UNC13C: variants seen among roughly 807,000 people sequenced by gnomAD.
UNC13C encodes unc-13 homolog C, also known as protein unc-13 homolog C.
Under a neutral mutation model 245.4 loss-of-function variants are expected in UNC13C, and 174 were observed. The ratio of observed to expected loss-of-function variants is 0.71; its 90% CI spans 0.63 to 0.80. The LOEUF is 0.80. Among genes scored for constraint, UNC13C ranks in the 30% least tolerant of loss-of-function variants. The probability of loss-of-function intolerance (pLI) is 0.00; values close to 1 mark genes in which losing one functional copy is unlikely to be tolerated. For missense variants in UNC13C, 2,829 were observed against 2,602.9 expected, an observed-to-expected ratio of 1.09 and a Z score of -1.89; for synonymous variants, 992 against 895.1, an observed-to-expected ratio of 1.11 and a Z score of -1.93.
intron 24 of UNC13C, among the ~76,000 whole-genome samples, chr15:54,512,135 T>C (rs936518021): frequency 9.8e-5 from 15 of 152,322 alleles, no homozygotes; most frequent in African/African-American, 3.6e-4. Context: ...TAATGACTTG[T>C]AAAATTCCAC....
chr15:53,895,321 G>C, the UNC13C span, among the ~76,000 whole-genome samples: 6 of 146,190 alleles, frequency 4.1e-5, no homozygotes, highest in African/African-American at 1.3e-4. Context: ...ACTCCAGCCT[G>C]GGTGACAGAG....
At chr15:53,994,482 G>A (rs1595689688) in intron 1 of UNC13C, among the ~76,000 whole-genome samples, 1 of 152,010 alleles carries the variant, frequency 6.6e-6, no homozygotes, top group East Asian at 1.9e-4. Flanking sequence ...TTTTATCCAA[G>A]AATTAGAATC....
intron 18 of UNC13C, among the ~76,000 whole-genome samples, chr15:54,395,666 C>G (rs1325567968): frequency 6.6e-6 from 1 of 151,700 alleles, no homozygotes; most frequent in East Asian, 1.9e-4. Flanking sequence ...AATGTAATCC[C>G]TGATTATTGA....
At chr15:53,976,477 C>CTCTCTTTTTTTTTTTTT (rs1325952003), upstream of UNC13C, among the ~76,000 whole-genome samples, 1 of 63,024 alleles carries the variant, frequency 1.6e-5, no homozygotes. Flanking sequence ...CTCTCTCTCT[C>CTCTCTTTTTTTTTTTTT]TTTTTTTTTT....
At position 54,500,893 on chromosome 15, in the gene UNC13C, A is replaced by T; in HGVS notation, c.5216A>T (p.Gln1739Leu). Residue 1739 changes from glutamine (Q) to leucine (L), a missense_variant, in exon 22 of 33, where the codon CAG becomes CTG. Physicochemically the swap from Gln to Leu is moderately radical, Grantham distance 113 (BLOSUM62 -2). Coordinates refer to ENST00000260323, the MANE Select transcript of UNC13C (RefSeq NM_001080534.3). ...FSCSVVDVFA[Q>L]LNQSFEIIKK... ...TGCTCCGTGGTTGATGTCTTTGCTC[A>T]GCTGAATCAGAGCTTTGAAATTATT... 1 of 1,612,968 alleles carries T rather than the reference A, an allele frequency of 6.2e-7. No homozygotes were observed. Among genetic ancestry groups the T allele is most frequent in the Non-Finnish European group, 8.5e-7 (1 of 1,179,180 alleles).
intron 1 of UNC13C, among the ~76,000 whole-genome samples, chr15:53,981,653 A>G (rs1396098926): frequency 1.3e-5 from 2 of 152,120 alleles, no homozygotes; most frequent in African/African-American, 2.4e-5. Flanking sequence ...AGCCCTCTCA[A>G]TCTGTAGCTT....
At position 54,015,626 on chromosome 15, in the gene UNC13C, T is replaced by A; in HGVS notation, c.2723T>A (p.Leu908His). The change falls in exon 2 of 33, where the codon CTT becomes CAT. Residue 908 changes from leucine (L) to histidine (H), a missense_variant. Transcript: ENST00000260323. ...TDEQMQAYDHLSYETPYETPQ... is the reference protein window; with the variant it reads ...TDEQMQAYDHHSYETPYETPQ... Reference sequence around the variant, plus strand: ...GAACAAATGCAAGCATATGATCACCTTTCATATGAAACACCTTATGAAACC... The same window carrying A: ...GAACAAATGCAAGCATATGATCACCATTCATATGAAACACCTTATGAAACC... 6.2e-7 allele frequency: 1 copy of A among 1,613,818 alleles called. No homozygotes were observed. The highest frequency in any genetic ancestry group is 8.5e-7 in the Non-Finnish European group (1 of 1,179,780).
intron 30 of UNC13C, among the ~76,000 whole-genome samples, chr15:54,620,652 G>A (rs185407142): frequency 5.3e-5 from 8 of 151,970 alleles, no homozygotes; most frequent in African/African-American, 2.4e-5. Flanking sequence ...CAGGCATGGC[G>A]GTCCATACTT....
chr15:54,147,387 T>C (rs1197619561), intron 4 of UNC13C, among the ~76,000 whole-genome samples: 1 of 151,882 alleles, frequency 6.6e-6, no homozygotes, highest in African/African-American at 2.4e-5. Flanking sequence ...GCCCGGCCAT[T>C]TTTTTGTATT....
At chr15:54,625,413 C>CTAAGT (rs1190777328) in intron 32 of UNC13C, among the ~76,000 whole-genome samples, 2 of 152,176 alleles carry the variant, frequency 1.3e-5, no homozygotes, top group Admixed American at 6.5e-5. Context: ...AAGATGATCC[C>CTAAGT]TAAGTTTTTG....
the UNC13C span, among the ~76,000 whole-genome samples, chr15:53,862,779 T>C: frequency 9.9e-5 from 15 of 152,136 alleles, no homozygotes; most frequent in Non-Finnish European, 8.8e-5. Flanking sequence ...ATCTTAAACC[T>C]AATTGTCTCT....
chr15:54,464,431 A>AT (rs943660890), intron 19 of UNC13C, among the ~76,000 whole-genome samples: 1 of 152,004 alleles, frequency 6.6e-6, no homozygotes, highest in Non-Finnish European at 1.5e-5. Context: ...GAAGCATTAC[A>AT]TTTTTTTATT....
intron 14 of UNC13C, among the ~76,000 whole-genome samples, chr15:54,327,122 G>C (rs139211130): frequency 1.1e-4 from 17 of 151,944 alleles, no homozygotes; most frequent in Admixed American, 2.0e-4. Context: ...GAGGTGGGAG[G>C]CAGTCAATAT....
intron 4 of UNC13C, among the ~76,000 whole-genome samples, chr15:54,206,355 A>G (rs1016447485): frequency 3.9e-5 from 6 of 152,104 alleles, no homozygotes; most frequent in African/African-American, 1.4e-4. Context: ...AGTTTTGATA[A>G]CAGAAAAGGT....
chr15:54,264,192 A>G lies in UNC13C; in HGVS notation c.3473A>G (p.His1158Arg), dbSNP rs1458705861. 5.7e-6 allele frequency: 9 copies of G among 1,583,886 alleles called. No individual in the cohort carries two copies. Among genetic ancestry groups the G allele is most frequent in the African/African-American group, 2.7e-5 (2 of 74,334 alleles). The change falls in exon 9 of 33, where the codon CAT becomes CGT. Residue 1158 changes from histidine (H) to arginine (R), a missense_variant. Coordinates refer to ENST00000260323, the MANE Select transcript of UNC13C (RefSeq NM_001080534.3). ...GGAGCAGCAGAAAAGAGTTCTAAAC[A>G]TGGTGCCGAAGACAAGACTCAGACC... ...LQRAAEKSSK[H>R]GAEDKTQTII... is the part of the protein sequence containing the mutation.
Position 54,475,121 on chromosome 15 carries a change from T to G in UNC13C, c.4934-19487T>G, listed in dbSNP as rs113549457. ...AATTATATCACTCTGATTTGTCTGT[T>G]TTTTCTTTTGTTGCCTGTGCTTTTG... On this transcript the variant is annotated intron_variant, in intron 19 of 32. Coordinates refer to ENST00000260323, the MANE Select transcript of UNC13C (RefSeq NM_001080534.3). Among the ~76,000 whole-genome samples the G allele has an allele frequency of 3.3e-3, 505 of 151,936 alleles. 2 individuals are homozygous for G. The highest frequency in any genetic ancestry group is 0.012 in the African/African-American group (487 of 41,472).
At chr15:54,056,331 G>A (rs540449370) in intron 2 of UNC13C, among the ~76,000 whole-genome samples, 11 of 152,240 alleles carry the variant, frequency 7.2e-5, no homozygotes, top group African/African-American at 2.4e-4. Flanking sequence ...CTCAGTAACC[G>A]ATGCGATCAA....
At chr15:53,888,650 CTA>C in the UNC13C span, among the ~76,000 whole-genome samples, 1 of 152,112 alleles carries the variant, frequency 6.6e-6, no homozygotes, top group Non-Finnish European at 1.5e-5. Flanking sequence ...ATGGCATTGC[CTA>C]TGTTTTCTTC....
At chr15:54,343,589 C>G (rs1049105190) in intron 17 of UNC13C, among the ~76,000 whole-genome samples, 3 of 152,142 alleles carry the variant, frequency 2.0e-5, no homozygotes, top group Non-Finnish European at 4.4e-5. Context: ...TTTATGCATC[C>G]TGTTCTATAT....
Sources: gnomAD v4.1 joint callset for allele counts (sites outside exome capture counted in the v4.1 genomes callset) on GRCh38, gnomAD v4.1.1 for gene constraint, MANE v1.5 for transcripts, NCBI Gene and HGNC (gene_info 2026-07-23, HGNC 2026-07-21) for gene names.